Variants in ARHGEF4 observed in about 807,000 individuals in gnomAD.
The protein encoded by ARHGEF4 is APC-stimulated guanine nucleotide exchange factor 1.
A neutral mutation model predicts 162.0 loss-of-function variants in ARHGEF4; 119 were observed. The observed-to-expected ratio is 0.73, with a 90% CI of 0.63 to 0.86. ARHGEF4 has a LOEUF of 0.86. Ranked by LOEUF, ARHGEF4 falls within the 40% of genes least tolerant of loss-of-function variation. The pLI is 0.00. For missense variants in ARHGEF4, 2,488 were observed against 2,456.0 expected (o/e 1.01, Z -0.28); for synonymous variants, 1,014 against 979.9 (o/e 1.03, Z -0.65).
intron 4 of ARHGEF4, among the ~76,000 whole-genome samples, chr2:131,008,616 GT>G (rs1327651473): frequency 1.3e-5 from 2 of 151,526 alleles, no homozygotes; most frequent in Non-Finnish European, 2.9e-5. Flanking sequence ...CTCCTTTTCT[GT>G]TTTGTTTTGG....
At chr2:130,891,593 T>G (rs555403859) in intron 1 of ARHGEF4, among the ~76,000 whole-genome samples, 19 of 152,324 alleles carry the variant, frequency 1.2e-4, no homozygotes, top group Admixed American at 2.6e-4. Flanking sequence ...AAATCCAAGA[T>G]CTGCCGGCAG....
chr2:130,883,067 C>T (rs1679298014), intron 1 of ARHGEF4, among the ~76,000 whole-genome samples: 1 of 152,062 alleles, frequency 6.6e-6, no homozygotes, highest in East Asian at 1.9e-4. Flanking sequence ...TACCTCTAAC[C>T]CCTATGAGTT....
intron 1 of ARHGEF4, among the ~76,000 whole-genome samples, chr2:130,844,372 G>A (rs1680808966): frequency 6.6e-6 from 1 of 152,178 alleles, no homozygotes; most frequent in African/African-American, 2.4e-5. Flanking sequence ...TGTAAAGGAG[G>A]CGGGGCGCCC....
At chr2:130,850,417 T>C (rs1681324542) in intron 1 of ARHGEF4, among the ~76,000 whole-genome samples, 1 of 152,228 alleles carries the variant, frequency 6.6e-6, no homozygotes, top group Admixed American at 6.5e-5. Flanking sequence ...AGAGGCTTTC[T>C]GGGAGCTGGC....
chr2:130,847,482 C>A (rs927211321), intron 1 of ARHGEF4, among the ~76,000 whole-genome samples: 1 of 152,206 alleles, frequency 6.6e-6, no homozygotes, highest in African/African-American at 2.4e-5. Flanking sequence ...ATCCCTCAGT[C>A]TTCATATCTG....
At chr2:130,875,711 G>T (rs976529903) in intron 1 of ARHGEF4, among the ~76,000 whole-genome samples, 1 of 152,100 alleles carries the variant, frequency 6.6e-6, no homozygotes, top group Non-Finnish European at 1.5e-5. Context: ...AATTTCCAAG[G>T]CATGAATTCT....
intron 1 of ARHGEF4, among the ~76,000 whole-genome samples, chr2:130,841,778 ACCAACACTGTATCC>A: frequency 6.6e-6 from 1 of 152,310 alleles, no homozygotes; most frequent in Middle Eastern, 3.4e-3. Context: ...ATCGGTCTCC[ACCAACACTGTATCC>A]CTTCAGATGT....
rs574654120 is a variant in ARHGEF4 at position 130,907,388 on chromosome 2, T to G, written c.40-6598T>G. 1.1e-4 allele frequency among the ~76,000 whole-genome samples: 17 copies of G among 151,640 alleles called. 1 individual carries two copies. The South Asian group carries it at 3.6e-3, about 32-fold the overall frequency. On this transcript the variant is annotated intron_variant, in intron 1 of 13. Transcript: ENST00000409359. ...TGCCACCATGCTCAACTAATATTTT[T>G]TTGTATTTTTTAGTAGAGACGGGTT... is the stretch of plus-strand genomic sequence containing the variant.
rs1287986862 is a variant in ARHGEF4, at chr2:131,039,955, CAGGGCGCGGGGCGTTGCTCCGA to C, written c.4306-60_4306-39del. ...AGGCCCGGTTCCCGCCGCTGCGGCGCAGGGCGCGGGGCGTTGCTCCGAGGGATGCGGGGCACTGACCGGCCAC... is the reference window on the plus strand; with the variant it reads ...AGGCCCGGTTCCCGCCGCTGCGGCGCGGGATGCGGGGCACTGACCGGCCAC... On this transcript the variant is annotated intron_variant, in intron 6 of 13. Transcript: ENST00000409359. The C allele has an allele frequency of 1.9e-5, 29 of 1,527,842 alleles. No individual in the cohort carries two copies. The Admixed American group carries it at 5.8e-4, about 30-fold the overall frequency. The allele number at this position is 1,527,842 out of a possible 1,614,324, so 94.6% of individuals were successfully genotyped here.
At chr2:131,018,951 A>T (rs552757060) in intron 4 of ARHGEF4, among the ~76,000 whole-genome samples, 2 of 152,108 alleles carry the variant, frequency 1.3e-5, no homozygotes, top group Non-Finnish European at 2.9e-5. Context: ...CTATATATCT[A>T]TCCTTATGCC....
intron 4 of ARHGEF4, among the ~76,000 whole-genome samples, chr2:130,976,546 C>T (rs1341772358): frequency 2.6e-5 from 4 of 152,100 alleles, no homozygotes; most frequent in Admixed American, 1.3e-4. Context: ...CTAAAGTCAG[C>T]CAATAACTGT....
At chr2:131,045,849 G>A (rs1320105632) in intron 13 of ARHGEF4, 189 bp from the exon 14 acceptor site, 26 of 1,464,372 alleles carry the variant, frequency 1.8e-5, no homozygotes, top group Admixed American at 1.5e-4. Flanking sequence ...CCAGGCCCAG[G>A]CCAGAGACCC....
At chr2:130,954,130 A>T (rs1384150241) in intron 4 of ARHGEF4, among the ~76,000 whole-genome samples, 2 of 152,360 alleles carry the variant, frequency 1.3e-5, no homozygotes, top group Admixed American at 1.3e-4. Context: ...ACTGTTCACA[A>T]TAGCAAAGAC....
In ARHGEF4 at chr2:130,916,649, G is replaced by A. The variant is rs1681517046; in HGVS notation, c.2703G>A (p.Thr901=). ...GCAACGCAAAGAGACTCAAAACAACGGAGAAAAAACTCAGGGCAAGGTTGG... is the reference window on the plus strand; with the variant it reads ...GCAACGCAAAGAGACTCAAAACAACAGAGAAAAAACTCAGGGCAAGGTTGG... ...ESCNAKRLKT[T]EKKLRARLAL... Residue 901 remains threonine, a synonymous_variant, in exon 2 of 14, where the codon ACG becomes ACA. Transcript: ENST00000409359. The A allele has an allele frequency of 6.4e-7, 1 of 1,550,582 alleles. No individual in the cohort carries two copies. Among genetic ancestry groups the A allele is most frequent in the Non-Finnish European group, 8.7e-7 (1 of 1,146,988 alleles).
chr2:131,029,392 G>A (rs1198916992), intron 5 of ARHGEF4, among the ~76,000 whole-genome samples: 4 of 152,102 alleles, frequency 2.6e-5, no homozygotes, highest in African/African-American at 7.2e-5. Context: ...TAAATAATGC[G>A]CTACTCAAAA....
chr2:130,857,045 A>G (rs970755806), intron 1 of ARHGEF4, among the ~76,000 whole-genome samples: 3 of 152,048 alleles, frequency 2.0e-5, no homozygotes, highest in Non-Finnish European at 4.4e-5. Flanking sequence ...ACATGGTGAA[A>G]CCCCGTCTCT....
intron 4 of ARHGEF4, among the ~76,000 whole-genome samples, chr2:130,990,569 G>C (rs1390920519): frequency 1.3e-5 from 2 of 152,038 alleles, no homozygotes; most frequent in African/African-American, 4.8e-5. Context: ...AACAACAAAA[G>C]TTACCTTAAA....
chr2:130,916,341 T>G lies in ARHGEF4; in HGVS notation c.2395T>G (p.Ser799Ala). Residue 799 changes from serine to alanine, a missense_variant, in exon 2 of 14, where the codon TCC (serine) becomes GCC (alanine). Around this residue, in one of 6 missense-constraint regions of ARHGEF4, gnomAD observed 1,642 missense variants for 1,481.5 expected, o/e 1.11. Transcript: ENST00000409359. ...GCGCCCGACGTTTTCCAAGGTGACC[T>G]CCTTCAGGAAGGGCAGGCCCTTGGC... Reference protein sequence around the residue: ...GKRPTFSKVTSFRKGRPLATE... With the variant: ...GKRPTFSKVTAFRKGRPLATE... 2.6e-6 allele frequency: 4 copies of G among 1,542,830 alleles called. No homozygotes were observed. Among genetic ancestry groups the G allele is most frequent in the Non-Finnish European group, 3.5e-6 (4 of 1,145,224 alleles).
intron 1 of ARHGEF4, among the ~76,000 whole-genome samples, chr2:130,853,764 A>G (rs115858746): frequency 1.3e-3 from 193 of 152,324 alleles, no homozygotes; most frequent in Non-Finnish European, 2.1e-3. Flanking sequence ...GCTTGTGTCC[A>G]GTGTTGTGGG....
Sources: gnomAD v4.1 joint callset for allele counts (sites outside exome capture counted in the v4.1 genomes callset) on GRCh38, gnomAD v4.1.1 for gene constraint, gnomAD v4.1.1 regional missense constraint, MANE v1.5 for transcripts, NCBI Gene and HGNC (gene_info 2026-07-23, HGNC 2026-07-21) for gene names.